Variants in CNTROB observed in about 807,000 individuals in gnomAD.
CNTROB encodes centrobin.
Under a neutral mutation model 115.7 loss-of-function variants are expected in CNTROB, and 82 were observed. The ratio of observed to expected loss-of-function variants is 0.71; its 90% CI spans 0.59 to 0.85. The LOEUF (loss-of-function observed/expected upper bound fraction) is 0.85, where lower values mean the gene tolerates loss of function less well. Ranked by LOEUF, CNTROB falls within the 40% of genes least tolerant of loss-of-function variation. CNTROB has a pLI of 0.00. For synonymous variants in CNTROB, 439 were observed against 456.4 expected, an observed-to-expected ratio of 0.96 and a Z score of 0.49; for missense variants, 1,014 against 1,144.4, an observed-to-expected ratio of 0.89 and a Z score of 1.64.
chr17:7,942,755 G>A (rs951562503), intron 9 of CNTROB, among the ~76,000 whole-genome samples: 2 of 134,272 alleles, frequency 1.5e-5, no homozygotes, highest in African/African-American at 5.6e-5. Flanking sequence ...TTTATTGAAT[G>A]TCTACTGGCT....
chr17:7,949,630 C>A lies in CNTROB; in HGVS notation c.*120C>A. 9.5e-7 allele frequency: 1 copy of A among 1,047,844 alleles called. No individual in the cohort carries two copies. The highest frequency in any genetic ancestry group is 1.3e-6 in the Non-Finnish European group (1 of 765,124). 64.9% of individuals were successfully genotyped at this position (1,047,844 alleles called of 1,614,324 possible). A position where few individuals can be genotyped will look rare whatever the true frequency, so the allele number is the denominator to read the frequency against. On this transcript the variant is annotated 3_prime_UTR_variant, in exon 19 of 19. Transcript: ENST00000563694. ...GGAAAATAGAGGTTTTGTAGGGAAT[C>A]ACTTCGTAAAGAAACCACATTTGGT...
chr17:7,945,511 C>A, intron 12 of CNTROB: 1 of 543,638 alleles, frequency 1.8e-6, no homozygotes, highest in Non-Finnish European at 3.2e-6. Flanking sequence ...GCCATTGCCC[C>A]CAGCTAATTT....
chr17:7,949,149 CG>C lies in CNTROB; in HGVS notation c.2580del (p.Glu862ArgfsTer34). 5 of 1,613,966 alleles carry C rather than the reference CG, an allele frequency of 3.1e-6. No individual in the cohort carries two copies. Among genetic ancestry groups the C allele is most frequent in the Non-Finnish European group, 4.2e-6 (5 of 1,179,916 alleles). On this transcript the variant is annotated frameshift_variant, in exon 18 of 19. Coordinates refer to ENST00000563694, the MANE Select transcript of CNTROB (RefSeq NM_053051.5). LOFTEE classifies it high-confidence loss of function. The part of the protein sequence containing the change: ...NTDSRLGEIP[R>X]KEIPSQAVPR... The stretch of plus-strand genomic sequence containing the variant: ...AGACTCCCGCTTGGGTGAGATCCCC[CG>C]GAAAGAGGTGAGGGAAAGTCAGGCA...
chr17:7,937,205 G>A lies in CNTROB; in HGVS notation c.870G>A (p.Glu290=). 1 of 1,614,198 alleles carries A rather than the reference G, an allele frequency of 6.2e-7. No individual in the cohort carries two copies. The highest frequency in any genetic ancestry group is 2.2e-5 in the East Asian group (1 of 44,880). The change falls in exon 7 of 19, where the codon GAG becomes GAA. Residue 290 remains glutamate, a synonymous_variant. Coordinates refer to ENST00000563694, the MANE Select transcript of CNTROB (RefSeq NM_053051.5). ...AACAAAGCCTTTCTGAGGCCATGGAGGCCCTGAATCGTGAGCAGGAAAGTG... is the reference window on the plus strand; with the variant it reads ...AACAAAGCCTTTCTGAGGCCATGGAAGCCCTGAATCGTGAGCAGGAAAGTG... The part of the protein sequence containing the change: ...RLEQSLSEAM[E]ALNREQESAR...
Position 7,937,253 on chromosome 17 carries a change from A to G in CNTROB, c.918A>G (p.Arg306=). The G allele has an allele frequency of 2.5e-6, 4 of 1,614,078 alleles. No individual in the cohort carries two copies. In the South Asian group the frequency reaches 4.4e-5, roughly 18 times the overall value. The change falls in exon 7 of 19, where the codon AGA becomes AGG. Residue 306 remains arginine (R), a synonymous_variant. Coordinates refer to ENST00000563694, the MANE Select transcript of CNTROB (RefSeq NM_053051.5). ...QESARLQQRE[R]ETLEEERQAL... ...GTGCCAGACTGCAGCAACGGGAAAG[A>G]GAGACACTGGTGAGAAGATTGGACT...
intron 1 of CNTROB, 102 bp downstream of exon 1, chr17:7,933,451 T>A (rs1291923469): frequency 1.7e-6 from 2 of 1,210,290 alleles, no homozygotes; most frequent in Non-Finnish European, 2.3e-6. Context: ...TTTGAACTCT[T>A]CCTGTTGGAT....
chr17:7,948,160 C>G lies in CNTROB; in HGVS notation c.2213C>G (p.Pro738Arg), dbSNP rs773183225. ...SVDLLPPKSG[P>R]LTVPSWEEAP... ...TGGCATTCTTTCCTTTTGCTAGGTC[C>G]TCTGACTGTCCCATCTTGGGAGGAA... The change falls in exon 16 of 19, where the codon CCT becomes CGT. Residue 738 changes from proline (P) to arginine (R), a missense_variant. Coordinates refer to ENST00000563694, the MANE Select transcript of CNTROB (RefSeq NM_053051.5). This position sits in a 1 kb window ranked among gnomAD's most constrained non-coding sequence, Gnocchi z 4.4. 6.2e-6 allele frequency: 10 copies of G among 1,613,996 alleles called. No homozygotes were observed. In the African/African-American group the frequency reaches 1.1e-4, roughly 17 times the overall value.
chr17:7,946,882 A>G lies in CNTROB; in HGVS notation c.1994-689A>G, dbSNP rs535951693. On this transcript the variant is annotated intron_variant, in intron 13 of 18. Transcript: ENST00000563694. ...GACTCTGTCTCTTAAAAAAAAAAAA[A>G]AGAGATTACAGCTCACGCCTGTAAT... 1.3e-3 allele frequency among the ~76,000 whole-genome samples: 203 copies of G among 151,818 alleles called. 6 individuals carry two copies. In the South Asian group the frequency reaches 0.028, roughly 21 times the overall value.
rs59403978 is a variant in CNTROB, at chr17:7,941,963, CAA to C, written c.1312-1417_1312-1416del. 3.6e-4 allele frequency among the ~76,000 whole-genome samples: 50 copies of C among 137,976 alleles called. No homozygotes were observed. The South Asian group carries it at 6.2e-3, about 17-fold the overall frequency. 90.5% of individuals were successfully genotyped at this position (137,976 alleles called of 152,430 possible). ...GGGTGACAGGAGCGAGACCGAGTCT[CAA>C]AAAAAAAAAAGACAGAAAGGGCCAG... is the stretch of plus-strand genomic sequence containing the variant. On this transcript the variant is annotated intron_variant, in intron 9 of 18. Coordinates refer to ENST00000563694, the MANE Select transcript of CNTROB (RefSeq NM_053051.5).
In CNTROB at chr17:7,939,639, C is replaced by T. The variant is rs141146363; in HGVS notation, c.1054C>T (p.Arg352Trp). Residue 352 changes from arginine to tryptophan, a missense_variant, in exon 8 of 19, where the codon CGG (arginine) becomes TGG (tryptophan). Transcript: ENST00000563694. The surrounding 1 kb of genome is among the most constrained non-coding windows in gnomAD (Gnocchi z 4.4). Reference protein sequence around the residue: ...LSEHRELETLRAALEEERQTW... With the variant: ...LSEHRELETLWAALEEERQTW... ...TGAGCATCGAGAGTTGGAGACTCTT[C>T]GGGCTGCCCTAGAAGAAGAACGGCA... is the stretch of plus-strand genomic sequence containing the variant. The T allele has an allele frequency of 4.5e-5, 73 of 1,614,036 alleles. No homozygotes were observed. In the East Asian group the frequency reaches 6.2e-4, roughly 14 times the overall value.
intron 9 of CNTROB, among the ~76,000 whole-genome samples, chr17:7,941,638 G>A (rs1973889376): frequency 6.6e-6 from 1 of 150,516 alleles, no homozygotes; most frequent in Non-Finnish European, 1.5e-5. Flanking sequence ...AGGGCTTCAG[G>A]TGTTACAATG....
At chr17:7,933,673 G>A (rs1351441497) in intron 1 of CNTROB, among the ~76,000 whole-genome samples, 1 of 152,214 alleles carries the variant, frequency 6.6e-6, no homozygotes, top group African/African-American at 2.4e-5. Context: ...GAGGGAGCTA[G>A]GGACTTAGGA....
chr17:7,945,465 C>G (rs931896121), intron 12 of CNTROB: 2 of 378,488 alleles, frequency 5.3e-6, no homozygotes, highest in Non-Finnish European at 4.7e-6. Flanking sequence ...AATCTTCCTT[C>G]CTCAGCTTCC....
At position 7,944,183 on chromosome 17, in the gene CNTROB, G is replaced by T. The variant is rs1440225121; in HGVS notation, c.1506G>T (p.Gln502His). 2.5e-6 allele frequency: 4 copies of T among 1,612,712 alleles called. No homozygotes were observed. Among genetic ancestry groups the T allele is most frequent in the Non-Finnish European group, 3.4e-6 (4 of 1,178,808 alleles). The change falls in exon 11 of 19, where the codon CAG becomes CAT. Residue 502 changes from glutamine (Q) to histidine (H), a missense_variant. Gln to His is a conservative substitution (Grantham distance 24, BLOSUM62 0). Coordinates refer to ENST00000563694, the MANE Select transcript of CNTROB (RefSeq NM_053051.5). The surrounding 1 kb of genome is among the most constrained non-coding windows in gnomAD (Gnocchi z 4.0). ...HQQELASQLAQFKVEMAEREE... is the reference protein window; with the variant it reads ...HQQELASQLAHFKVEMAEREE... ...AGGAGCTGGCCAGTCAGCTAGCTCAGTTCAAGGTGGAAATGGCAGAACGAG... is the reference window on the plus strand; with the variant it reads ...AGGAGCTGGCCAGTCAGCTAGCTCATTTCAAGGTGGAAATGGCAGAACGAG...
chr17:7,936,923 T>A (rs1392216615), intron 6 of CNTROB, 106 bp downstream of exon 6: 4 of 761,636 alleles, frequency 5.3e-6, no homozygotes, highest in Non-Finnish European at 7.1e-6. Context: ...TTGACCTCAG[T>A]CTTGTAGTGG....
Position 7,947,950 on chromosome 17 carries a change from C to T in CNTROB, c.2180C>T (p.Pro727Leu). Reference sequence around the variant, plus strand: ...ACAGTGCCCCAGAACAATGAGAACCCTTCTGTCGACCTGTTGCCCCCTAAG... The same window carrying T: ...ACAGTGCCCCAGAACAATGAGAACCTTTCTGTCGACCTGTTGCCCCCTAAG... Reference protein sequence around the residue: ...LETVPQNNENPSVDLLPPKSG... With the variant: ...LETVPQNNENLSVDLLPPKSG... The change falls in exon 15 of 19, where the codon CCT becomes CTT. Residue 727 changes from proline to leucine, a missense_variant. Physicochemically the swap from Pro to Leu is moderately conservative, Grantham distance 98. Coordinates refer to ENST00000563694, the MANE Select transcript of CNTROB (RefSeq NM_053051.5). 6.2e-7 allele frequency: 1 copy of T among 1,614,110 alleles called. No individual in the cohort carries two copies. Among genetic ancestry groups the T allele is most frequent in the Non-Finnish European group, 8.5e-7 (1 of 1,179,994 alleles).
At position 7,936,394 on chromosome 17, in the gene CNTROB, A is replaced by C. The variant is rs1355424481; in HGVS notation, c.623A>C (p.Gln208Pro). ...KHCERHIQSL[Q>P]TRVLELQQQL... ...TGTGAGCGCCATATTCAGAGCCTGC[A>C]GACCCGAGTGTTAGAGCTACAGCAA... Residue 208 changes from glutamine (Q) to proline (P), a missense_variant, in exon 5 of 19, where the codon CAG (glutamine) becomes CCG (proline). By Grantham distance (76) the Gln-to-Pro change is moderately conservative. Coordinates refer to ENST00000563694, the MANE Select transcript of CNTROB (RefSeq NM_053051.5). 3.9e-6 allele frequency: 6 copies of C among 1,537,110 alleles called. No homozygotes were observed. The highest frequency in any genetic ancestry group is 5.4e-6 in the Non-Finnish European group (6 of 1,109,834).
chr17:7,942,712 G>A (rs1974035201), intron 9 of CNTROB, among the ~76,000 whole-genome samples: 1 of 149,932 alleles, frequency 6.7e-6, no homozygotes, highest in South Asian at 2.1e-4. Context: ...GACACTTATA[G>A]GTTGACTGCT....
At position 7,939,438 on chromosome 17, in the gene CNTROB, G is replaced by GT; in HGVS notation, c.928-74dup. ...GAGCATAATTCTCAGCAGGCACCTT[G>GT]TATGAGGGTCAGAGGGCAGATCGCT... On this transcript the variant is annotated intron_variant, in intron 7 of 18. Coordinates refer to ENST00000563694, the MANE Select transcript of CNTROB (RefSeq NM_053051.5). The surrounding 1 kb of genome is among the most constrained non-coding windows in gnomAD (Gnocchi z 4.4). 1 of 1,239,146 alleles carries GT rather than the reference G, an allele frequency of 8.1e-7. No individual in the cohort carries two copies. The highest frequency in any genetic ancestry group is 1.2e-6 in the Non-Finnish European group (1 of 854,694). The allele number at this position is 1,239,146 out of a possible 1,614,324, so 76.8% of individuals were successfully genotyped here.
Sources: gnomAD v4.1 joint callset for allele counts (sites outside exome capture counted in the v4.1 genomes callset) on GRCh38, gnomAD v4.1.1 for gene constraint, Gnocchi (gnomAD v3.1) non-coding constraint, MANE v1.5 for transcripts, NCBI Gene and HGNC (gene_info 2026-07-23, HGNC 2026-07-21) for gene names.